MAP4K3: variants seen among roughly 807,000 people sequenced by gnomAD.
MAP4K3 encodes the protein MAPK/ERK kinase kinase kinase 3.
In MAP4K3, 94 loss-of-function variants were observed where a neutral mutation model predicts 143.5. The observed-to-expected ratio is 0.65, with a 90% CI of 0.55 to 0.78. The LOEUF is 0.78. MAP4K3 is among the 30% of genes least tolerant of loss of function. MAP4K3 has a pLI of 0.00. For synonymous variants in MAP4K3, 416 were observed against 347.2 expected, an observed-to-expected ratio of 1.20 and a Z score of -2.20; for missense variants, 1,077 against 1,068.1, an observed-to-expected ratio of 1.01 and a Z score of -0.12.
chr2:39,283,006 T>C (rs1681605263), intron 21 of MAP4K3, among the ~76,000 whole-genome samples: 1 of 152,232 alleles, frequency 6.6e-6, no homozygotes. Flanking sequence ...AAATATACTT[T>C]ATTTAGCTAT....
At chr2:39,332,217 T>C (rs1683706643) in intron 7 of MAP4K3, among the ~76,000 whole-genome samples, 1 of 152,006 alleles carries the variant, frequency 6.6e-6, no homozygotes, top group African/African-American at 2.4e-5. Context: ...TATCCCCACA[T>C]AAATCAAATA....
chr2:39,278,472 A>G lies in MAP4K3; in HGVS notation c.1729T>C (p.Phe577Leu). The change falls in exon 24 of 34, where the codon TTT becomes CTT. Residue 577 changes from phenylalanine (F) to leucine (L), a missense_variant. Physicochemically the swap from Phe to Leu is conservative, Grantham distance 22. Transcript: ENST00000263881. ...NPDTRDQYLI[F>L]GAEEGIYTLN... ...GTATAAATCCCTTCTTCGGCACCAA[A>G]TATCAAGTACTGATCTGAAATAAAA... 1.9e-6 allele frequency: 3 copies of G among 1,591,512 alleles called. No homozygotes were observed. Among genetic ancestry groups the G allele is most frequent in the Non-Finnish European group, 2.6e-6 (3 of 1,165,892 alleles).
intron 3 of MAP4K3, among the ~76,000 whole-genome samples, chr2:39,347,148 G>T (rs1665316094): frequency 6.6e-6 from 1 of 152,146 alleles, no homozygotes; most frequent in South Asian, 2.1e-4. Context: ...GTGTGAAAAT[G>T]ACGTCATCCC....
chr2:39,302,839 C>T lies in MAP4K3; in HGVS notation c.1120-3038G>A, dbSNP rs557953824. On this transcript the variant is annotated intron_variant, in intron 15 of 33. Transcript: ENST00000263881. ...AGATTAAAAGTTCAAGATCGTTATC[C>T]TAGCCCAATTAAAATATCTTTTTGG... Among the ~76,000 whole-genome samples the T allele has an allele frequency of 9.3e-4, 141 of 152,304 alleles. 1 individual carries two copies. The highest frequency in any genetic ancestry group is 3.0e-3 in the African/African-American group (126 of 41,570).
intron 21 of MAP4K3, among the ~76,000 whole-genome samples, chr2:39,284,065 T>C (rs1014220144): frequency 6.6e-6 from 1 of 152,226 alleles, no homozygotes; most frequent in African/African-American, 2.4e-5. Flanking sequence ...TTCTGATACC[T>C]TTTTATTCCA....
intron 1 of MAP4K3, among the ~76,000 whole-genome samples, chr2:39,414,899 C>G (rs1667330430): frequency 6.6e-6 from 1 of 151,832 alleles, no homozygotes; most frequent in Admixed American, 6.6e-5. Flanking sequence ...GAGTATGTAC[C>G]AATCTAATAC....
At chr2:39,415,990 TATATATATATATATAAAA>T (rs1667365400) in intron 1 of MAP4K3, among the ~76,000 whole-genome samples, 2 of 77,414 alleles carry the variant, frequency 2.6e-5, no homozygotes, top group African/African-American at 1.0e-4. Context: ...AATATATATA[TATATATATATATATAAAA>T]ATAACATTTG....
chr2:39,309,902 A>C (rs925405827), intron 13 of MAP4K3, among the ~76,000 whole-genome samples: 5 of 152,126 alleles, frequency 3.3e-5, no homozygotes, highest in African/African-American at 1.2e-4. Flanking sequence ...ATAATTTAAA[A>C]AGTTATTCCA....
intron 1 of MAP4K3, among the ~76,000 whole-genome samples, chr2:39,382,047 G>A (rs535241417): frequency 9.2e-5 from 14 of 152,300 alleles, no homozygotes; most frequent in Middle Eastern, 3.4e-3. Flanking sequence ...GGGGCTCTGG[G>A]AAAGTACTAA....
Position 39,295,808 on chromosome 2 carries a change from T to A in MAP4K3, c.1179-2540A>T, listed in dbSNP as rs1399184563. ...ATCTTGGCTCACTGCAACCTCCACT[T>A]CCCAGGTTCAAGCAATTCTCGTGCC... On this transcript the variant is annotated intron_variant, in intron 16 of 33. Coordinates refer to ENST00000263881, the MANE Select transcript of MAP4K3 (RefSeq NM_003618.4). Among the ~76,000 whole-genome samples, 3 of 150,836 alleles carry A rather than the reference T, an allele frequency of 2.0e-5. No individual in the cohort carries two copies. In the East Asian group the frequency reaches 5.9e-4, roughly 30 times the overall value.
intron 3 of MAP4K3, among the ~76,000 whole-genome samples, chr2:39,346,969 AGAGT>A (rs1469454144): frequency 6.6e-6 from 1 of 152,034 alleles, no homozygotes; most frequent in African/African-American, 2.4e-5. Flanking sequence ...TTCCTCTAAA[AGAGT>A]GAGTGGTTCT....
chr2:39,378,879 A>C (rs578077696), intron 1 of MAP4K3, among the ~76,000 whole-genome samples: 5 of 151,524 alleles, frequency 3.3e-5, no homozygotes, highest in African/African-American at 1.2e-4. Flanking sequence ...TTATGTGTAC[A>C]TATAACAATA....
intron 1 of MAP4K3, among the ~76,000 whole-genome samples, chr2:39,385,583 T>TAC (rs1553422497): frequency 1.2e-4 from 9 of 77,250 alleles, no homozygotes; most frequent in African/African-American, 2.9e-4. Flanking sequence ...TATATATATA[T>TAC]ATATATATAT....
rs1431396143 is a variant in MAP4K3, at chr2:39,307,966, A to G, written c.1096T>C (p.Tyr366His). ...ACCAGATTAGATCTTGCAGTGTAGT[A>G]TATTTCTTCTGAACTGTCCAAAAAA... ...DGFLDSSEEI[Y>H]YTARSNLDLQ... Residue 366 changes from tyrosine (Y) to histidine (H), a missense_variant, in exon 15 of 34, where the codon TAC (tyrosine) becomes CAC (histidine). Physicochemically the swap from Tyr to His is moderately conservative, Grantham distance 83. This residue lies in a region of MAP4K3 where 864 missense variants were observed against 801.2 expected (regional missense o/e 1.08). Transcript: ENST00000263881. 6.3e-7 allele frequency: 1 copy of G among 1,593,890 alleles called. No homozygotes were observed.
chr2:39,434,870 T>C (rs1420040232), intron 1 of MAP4K3, among the ~76,000 whole-genome samples: 2 of 152,214 alleles, frequency 1.3e-5, no homozygotes, highest in African/African-American at 4.8e-5. Context: ...GCTAGTATTA[T>C]CATTATTTTA....
chr2:39,352,324 T>C (rs944445976), intron 3 of MAP4K3, among the ~76,000 whole-genome samples: 1 of 152,082 alleles, frequency 6.6e-6, no homozygotes, highest in African/African-American at 2.4e-5. Flanking sequence ...TTATTGTTTT[T>C]CCCCCTAAGC....
At chr2:39,401,932 C>A (rs980755620) in intron 1 of MAP4K3, among the ~76,000 whole-genome samples, 4 of 151,930 alleles carry the variant, frequency 2.6e-5, no homozygotes, top group African/African-American at 9.7e-5. Flanking sequence ...GTCTGAAATA[C>A]AATAGAAATT....
intron 12 of MAP4K3, among the ~76,000 whole-genome samples, chr2:39,322,891 A>G (rs1683359564): frequency 6.6e-6 from 1 of 152,008 alleles, no homozygotes; most frequent in Non-Finnish European, 1.5e-5. Context: ...GCTGGTCCCA[A>G]ACTCCTGACC....
intron 1 of MAP4K3, among the ~76,000 whole-genome samples, chr2:39,379,111 C>T (rs1666295730): frequency 6.6e-6 from 1 of 152,000 alleles, no homozygotes; most frequent in Non-Finnish European, 1.5e-5. Flanking sequence ...CTAGTTGCAA[C>T]ACTCTCTTAT....
Sources: gnomAD v4.1 joint callset for allele counts (sites outside exome capture counted in the v4.1 genomes callset) on GRCh38, gnomAD v4.1.1 for gene constraint, gnomAD v4.1.1 regional missense constraint, MANE v1.5 for transcripts, NCBI Gene and HGNC (gene_info 2026-07-23, HGNC 2026-07-21) for gene names.